Variants in RANBP2 observed in about 807,000 individuals in gnomAD.
RANBP2 encodes the protein RAN binding protein 2.
In RANBP2, 57 loss-of-function variants were observed where a neutral mutation model predicts 303.6. That is an observed-to-expected ratio of 0.19 (90% CI 0.15 to 0.23). The LOEUF is 0.23. Ranked by LOEUF, RANBP2 falls within the 10% of genes least tolerant of loss-of-function variation. The pLI, the probability that RANBP2 is intolerant of heterozygous loss-of-function variation, is 1.00. For missense variants in RANBP2, 3,138 were observed against 3,780.8 expected (o/e 0.83, Z 4.46); for synonymous variants, 1,167 against 1,301.5 (o/e 0.90, Z 2.23).
At chr2:108,856,669 C>A in the RANBP2 span, 1 of 830,070 alleles carries the variant, frequency 1.2e-6, no homozygotes, top group Admixed American at 2.6e-5. Flanking sequence ...AGACTGTGAT[C>A]TCTTATTTAA....
At chr2:109,209,852 AT>A in the RANBP2 span, among the ~76,000 whole-genome samples, 1 of 152,124 alleles carries the variant, frequency 6.6e-6, no homozygotes, top group Admixed American at 6.5e-5. Context: ...TATTACATAA[AT>A]TTTACCATTT....
At chr2:108,760,504 A>T (rs530386752) in intron 18 of RANBP2, among the ~76,000 whole-genome samples, 1 of 152,140 alleles carries the variant, frequency 6.6e-6, no homozygotes, top group African/African-American at 2.4e-5. Context: ...TCCTAGTTTT[A>T]TAGGGTATTC....
chr2:109,115,294 C>T, the RANBP2 span, among the ~76,000 whole-genome samples: 2 of 152,146 alleles, frequency 1.3e-5, no homozygotes, highest in African/African-American at 4.8e-5. Context: ...TCAGGACTTG[C>T]TTTATGAAAC....
chr2:109,656,312 A>C, the RANBP2 span, among the ~76,000 whole-genome samples: 1 of 152,038 alleles, frequency 6.6e-6, no homozygotes, highest in Non-Finnish European at 1.5e-5. Flanking sequence ...TTTAATTTGC[A>C]ACTCCTTTTC....
chr2:109,371,510 C>G, the RANBP2 span: 16 of 1,264,526 alleles, frequency 1.3e-5, no homozygotes, highest in Non-Finnish European at 1.8e-5. Context: ...CTCCACAGTA[C>G]TAACCAGTGT....
chr2:109,436,844 G>T, the RANBP2 span: 19 of 1,586,576 alleles, frequency 1.2e-5, no homozygotes, highest in Admixed American at 1.7e-5. Flanking sequence ...CACATGGCAC[G>T]AATGCCTCTG....
At chr2:109,138,489 A>C in the RANBP2 span, among the ~76,000 whole-genome samples, 1 of 152,342 alleles carries the variant, frequency 6.6e-6, no homozygotes, top group South Asian at 2.1e-4. Context: ...TTGGTGCTGC[A>C]TTTGCTGGCA....
At chr2:108,791,118 T>C in the RANBP2 span, among the ~76,000 whole-genome samples, 2 of 151,252 alleles carry the variant, frequency 1.3e-5, no homozygotes, top group African/African-American at 4.9e-5. Context: ...TTTAGATATA[T>C]TATATTAACT....
chr2:108,978,070 G>A, the RANBP2 span, among the ~76,000 whole-genome samples: 3 of 152,178 alleles, frequency 2.0e-5, no homozygotes, highest in South Asian at 6.2e-4. Context: ...CCGACAAATG[G>A]CACTGACATA....
At chr2:109,041,143 G>A in the RANBP2 span, among the ~76,000 whole-genome samples, 1 of 152,076 alleles carries the variant, frequency 6.6e-6, no homozygotes, top group African/African-American at 2.4e-5. Context: ...TAATGCAATT[G>A]GTTTTTAAAA....
the RANBP2 span, among the ~76,000 whole-genome samples, chr2:109,180,363 T>C: frequency 1.3e-5 from 2 of 152,134 alleles, no homozygotes; most frequent in African/African-American, 4.8e-5. Flanking sequence ...AAAGGGACCA[T>C]CTCATTGGCT....
At chr2:109,296,406 T>C in the RANBP2 span, among the ~76,000 whole-genome samples, 26 of 151,564 alleles carry the variant, frequency 1.7e-4, no homozygotes, top group African/African-American at 5.8e-4. Flanking sequence ...TTTTTGTGTG[T>C]GTGTTTTTTA....
chr2:109,231,636 C>T, the RANBP2 span, among the ~76,000 whole-genome samples: 2 of 152,204 alleles, frequency 1.3e-5, no homozygotes, highest in African/African-American at 4.8e-5. Flanking sequence ...TCTCAGATGA[C>T]ATGTGGCTGA....
At chr2:109,459,636 G>T in the RANBP2 span, among the ~76,000 whole-genome samples, 11 of 152,190 alleles carry the variant, frequency 7.2e-5, no homozygotes, top group African/African-American at 2.6e-4. Flanking sequence ...AGTCACCCGA[G>T]CCAGCACAGT....
In RANBP2 at chr2:108,749,136, T is replaced by TA; in HGVS notation, c.1273+8dup. The TA allele has an allele frequency of 1.2e-6, 2 of 1,611,922 alleles. No individual in the cohort carries two copies. Among genetic ancestry groups the TA allele is most frequent in the Non-Finnish European group, 1.7e-6 (2 of 1,179,834 alleles). ...TTGACTAGATACGATGTTGGTAAGT[T>TA]ATATGTTTCAGAGGAAATGGTCTCC... On this transcript the variant is annotated splice_region_variant and intron_variant, in intron 9 of 28. Transcript: ENST00000283195.
the RANBP2 span, among the ~76,000 whole-genome samples, chr2:109,527,474 G>C: frequency 6.6e-6 from 1 of 152,148 alleles, no homozygotes; most frequent in Non-Finnish European, 1.5e-5. Flanking sequence ...CCAGAGACTG[G>C]GGAGCCACCA....
chr2:109,706,433 C>T, the RANBP2 span, among the ~76,000 whole-genome samples: 184 of 152,286 alleles, frequency 1.2e-3, 3 homozygotes, highest in South Asian at 0.028. Flanking sequence ...CCAAGATGCC[C>T]TTTGCTCAGA....
At chr2:109,241,807 C>G in the RANBP2 span, among the ~76,000 whole-genome samples, 3 of 151,904 alleles carry the variant, frequency 2.0e-5, no homozygotes, top group African/African-American at 7.2e-5. Context: ...GCTCTGTCCC[C>G]CAGGCTAGAG....
At chr2:109,545,205 C>T in the RANBP2 span, 2 of 985,328 alleles carry the variant, frequency 2.0e-6, no homozygotes, top group Non-Finnish European at 2.4e-6. Context: ...CAGAGTCCCC[C>T]AAATGAGCAT....
Sources: gnomAD v4.1 joint callset for allele counts (sites outside exome capture counted in the v4.1 genomes callset) on GRCh38, gnomAD v4.1.1 for gene constraint, MANE v1.5 for transcripts, NCBI Gene and HGNC (gene_info 2026-07-23, HGNC 2026-07-21) for gene names.